The following IQCK variants were observed in gnomAD, a reference collection of about 807,000 sequenced individuals.
IQCK encodes IQ domain-containing protein K.
Under a neutral mutation model 28.1 loss-of-function variants are expected in IQCK, and 29 were observed. The observed-to-expected ratio is 1.03, with a 90% CI of 0.77 to 1.41. IQCK has a LOEUF of 1.41. Ranked by LOEUF, IQCK falls within the 40% of genes most tolerant of loss-of-function variation. The pLI is 0.00. For synonymous variants in IQCK, 113 were observed against 115.1 expected, an observed-to-expected ratio of 0.98 and a Z score of 0.12; for missense variants, 359 against 314.7, an observed-to-expected ratio of 1.14 and a Z score of -1.07.
At chr16:19,781,210 A>G (rs1279067396) in intron 6 of IQCK, among the ~76,000 whole-genome samples, 2 of 152,176 alleles carry the variant, frequency 1.3e-5, no homozygotes, top group African/African-American at 4.8e-5. Context: ...TAATACCACA[A>G]TCTGGGAATA....
rs574993542 is a variant in IQCK, at chr16:19,767,269, C to T, written c.605+3157C>T. On this transcript the variant is annotated intron_variant, in intron 6 of 7. Coordinates refer to ENST00000564186, the Ensembl canonical transcript of IQCK. ...TTTGTGTTAACCAGCTCAATTCACCCTCTACCTTGTTGCGAGGACAGAGGG... is the reference window on the plus strand; with the variant it reads ...TTTGTGTTAACCAGCTCAATTCACCTTCTACCTTGTTGCGAGGACAGAGGG... Among the ~76,000 whole-genome samples, 6 of 152,312 alleles carry T rather than the reference C, an allele frequency of 3.9e-5. No homozygotes were observed. The South Asian group carries it at 1.2e-3, about 32-fold the overall frequency.
At chr16:19,781,437 G>C (rs1222926628) in intron 6 of IQCK, among the ~76,000 whole-genome samples, 1 of 152,144 alleles carries the variant, frequency 6.6e-6, no homozygotes, top group Admixed American at 6.5e-5. Flanking sequence ...ATAACCGCTT[G>C]TTGATCTCCC....
At chr16:19,771,545 G>C (rs556863751) in intron 6 of IQCK, among the ~76,000 whole-genome samples, 20 of 152,102 alleles carry the variant, frequency 1.3e-4, no homozygotes, top group Admixed American at 3.3e-4. Flanking sequence ...AGTATTCCAG[G>C]TTTTGTATAA....
At chr16:19,761,062 G>A (rs1042301162) in intron 4 of IQCK, 2 of 185,958 alleles carry the variant, frequency 1.1e-5, no homozygotes, top group Admixed American at 5.5e-5. Context: ...TACTGCAACT[G>A]TTTCATCAGC....
intron 6 of IQCK, among the ~76,000 whole-genome samples, chr16:19,770,340 G>C (rs778612462): frequency 6.6e-6 from 1 of 152,118 alleles, no homozygotes; most frequent in Non-Finnish European, 1.5e-5. Flanking sequence ...TATTGCTGCT[G>C]TTACAAAGCA....
chr16:19,826,051 G>C (rs1204996474), intron 7 of IQCK, among the ~76,000 whole-genome samples: 1 of 152,184 alleles, frequency 6.6e-6, no homozygotes, highest in African/African-American at 2.4e-5. Context: ...CAGGATCTCA[G>C]GCTGGAGTGC....
chr16:19,845,402 A>G (rs2056405871), intron 9 of IQCK, among the ~76,000 whole-genome samples: 1 of 152,248 alleles, frequency 6.6e-6, no homozygotes, highest in Non-Finnish European at 1.5e-5. Context: ...CTAAAGGTTC[A>G]GTTTGGGCAG....
chr16:19,720,315 C>T (rs1309926308), intron 1 of IQCK, among the ~76,000 whole-genome samples: 1 of 152,188 alleles, frequency 6.6e-6, no homozygotes, highest in African/African-American at 2.4e-5. Flanking sequence ...AATCACTCTA[C>T]CCCAAAGAAT....
chr16:19,852,619 C>CTTTTTTTTT (rs768835414), intron 9 of IQCK, among the ~76,000 whole-genome samples: 1 of 135,294 alleles, frequency 7.4e-6, no homozygotes, highest in Non-Finnish European at 1.6e-5. Flanking sequence ...TTTCCTTCAA[C>CTTTTTTTTT]TTTTTTTTTT....
At chr16:19,763,953 A>T in intron 5 of IQCK, 53 bp downstream of exon 5, 1 of 1,596,126 alleles carries the variant, frequency 6.3e-7, no homozygotes, top group Non-Finnish European at 8.6e-7. Context: ...AGTCGTGTTA[A>T]TTTGCAAGCA....
At chr16:19,775,866 C>CTTTTTTTTTTTTTT in intron 6 of IQCK, among the ~76,000 whole-genome samples, 1 of 37,724 alleles carries the variant, frequency 2.7e-5, no homozygotes, top group Non-Finnish European at 4.4e-5. Flanking sequence ...TGGGCACAGG[C>CTTTTTTTTTTTTTT]TTTTTTTTTT....
intron 2 of IQCK, among the ~76,000 whole-genome samples, chr16:19,731,630 A>G (rs555137373): frequency 6.6e-6 from 1 of 152,336 alleles, no homozygotes; most frequent in Admixed American, 6.5e-5. Flanking sequence ...TGACCCGTAT[A>G]AAGAGATTTG....
intron 2 of IQCK, among the ~76,000 whole-genome samples, chr16:19,730,975 C>T (rs1486399548): frequency 6.6e-6 from 1 of 152,172 alleles, no homozygotes; most frequent in East Asian, 1.9e-4. Flanking sequence ...CTGCCTGCCT[C>T]AGTCTCCCAA....
intron 1 of IQCK, among the ~76,000 whole-genome samples, chr16:19,722,207 T>G (rs1276774222): frequency 6.6e-6 from 1 of 152,154 alleles, no homozygotes; most frequent in Non-Finnish European, 1.5e-5. Context: ...GTGATACCTC[T>G]TAGCATAGGA....
At chr16:19,735,202 G>A (rs1413500672) in intron 3 of IQCK, 151 bp from the exon 4 acceptor site, 7 of 616,720 alleles carry the variant, frequency 1.1e-5, no homozygotes, top group East Asian at 2.8e-5. Flanking sequence ...TAGTTATACA[G>A]CCCAGCTCTG....
intron 6 of IQCK, among the ~76,000 whole-genome samples, chr16:19,780,839 A>G (rs1567554765): frequency 6.6e-6 from 1 of 152,322 alleles, no homozygotes. Flanking sequence ...TTACTGCATA[A>G]TTTAGAAGCG....
At chr16:19,752,507 G>C (rs1006161653) in intron 4 of IQCK, among the ~76,000 whole-genome samples, 2 of 152,138 alleles carry the variant, frequency 1.3e-5, no homozygotes, top group African/African-American at 4.8e-5. Context: ...CCTGAACATG[G>C]CAGAAAACCC....
chr16:19,743,191 A>G (rs1221069136), intron 4 of IQCK, among the ~76,000 whole-genome samples: 3 of 152,140 alleles, frequency 2.0e-5, no homozygotes, highest in African/African-American at 7.2e-5. Flanking sequence ...ATAAATAAAT[A>G]AAAGTCAGGG....
At chr16:19,802,650 A>G (rs575779000) in intron 7 of IQCK, among the ~76,000 whole-genome samples, 5 of 150,260 alleles carry the variant, frequency 3.3e-5, no homozygotes, top group Admixed American at 6.7e-5. Flanking sequence ...AAGTTCTTCA[A>G]AGGCACAAAG....
Sources: gnomAD v4.1 joint callset for allele counts (sites outside exome capture counted in the v4.1 genomes callset) on GRCh38, gnomAD v4.1.1 for gene constraint, MANE v1.5 for transcripts, NCBI Gene and HGNC (gene_info 2026-07-23, HGNC 2026-07-21) for gene names.